Variants in STARD13 observed in about 807,000 individuals in gnomAD.
STARD13 encodes the protein StAR related lipid transfer domain containing 13.
In STARD13, 62 loss-of-function variants were observed where a neutral mutation model predicts 106.4. The ratio of observed to expected loss-of-function variants is 0.58; its 90% CI spans 0.48 to 0.72. The LOEUF (loss-of-function observed/expected upper bound fraction) is 0.72. STARD13 is among the 30% of genes least tolerant of loss of function. The probability of loss-of-function intolerance (pLI) is 0.00; values close to 1 mark genes in which losing one functional copy is unlikely to be tolerated. For missense variants in STARD13, 1,387 were observed against 1,424.0 expected, an observed-to-expected ratio of 0.97 and a Z score of 0.42; for synonymous variants, 565 against 553.0, an observed-to-expected ratio of 1.02 and a Z score of -0.31.
chr13:33,197,529 G>A (rs1375536131), intron 1 of STARD13, among the ~76,000 whole-genome samples: 3 of 151,256 alleles, frequency 2.0e-5, no homozygotes, highest in East Asian at 1.9e-4. Context: ...AAATATTTAC[G>A]CTATCTCATT....
At chr13:33,524,717 AT>A in the STARD13 span, among the ~76,000 whole-genome samples, 3 of 152,148 alleles carry the variant, frequency 2.0e-5, no homozygotes, top group South Asian at 6.2e-4. Flanking sequence ...ATAATCTTTT[AT>A]TTTTTAATTG....
chr13:33,250,176 TA>T (rs971591899), intron 1 of STARD13, among the ~76,000 whole-genome samples: 33 of 151,306 alleles, frequency 2.2e-4, no homozygotes, highest in African/African-American at 6.5e-4. Flanking sequence ...GCAACAACAA[TA>T]AAAAAAAATC....
intron 12 of STARD13, 73 bp from the exon 13 acceptor site, chr13:33,107,007 T>C (rs1593842889): frequency 1.4e-6 from 2 of 1,443,594 alleles, no homozygotes; most frequent in East Asian, 2.3e-5. Flanking sequence ...GAGCTAAGGT[T>C]TGTGTTTATA....
rs576513820 is a variant in STARD13 at position 33,186,552 on chromosome 13, G to A, written c.170-18930C>T. On this transcript the variant is annotated intron_variant, in intron 1 of 13. Coordinates refer to ENST00000336934, the MANE Select transcript of STARD13 (RefSeq NM_178006.4). ...CTAAGAGACTTCCTTCCTTTTCCTC[G>A]GTACGAAAACTATCCTCATTGTATA... Among the ~76,000 whole-genome samples the A allele has an allele frequency of 7.2e-5, 11 of 152,070 alleles. No individual in the cohort carries two copies. In the South Asian group the frequency reaches 1.7e-3, roughly 23 times the overall value.
rs1251471758 is a variant in STARD13, at chr13:33,118,067, T to C, written c.2279A>G (p.Gln760Arg). The C allele has an allele frequency of 1.2e-6, 2 of 1,614,214 alleles. No homozygotes were observed. Among genetic ancestry groups the C allele is most frequent in the South Asian group, 1.1e-5 (1 of 91,076 alleles). ...KLSETFLHIY[Q>R]YVSKEQRLQA... Reference sequence around the variant, plus strand: ...CCAATCTCATTATTTCCACTTACACTGATAGATATGGAGAAAGGTCTCACT... The same window carrying C: ...CCAATCTCATTATTTCCACTTACACCGATAGATATGGAGAAAGGTCTCACT... Residue 760 changes from glutamine (Q) to arginine (R), a missense_variant and splice_region_variant, in exon 8 of 14, where the codon CAG becomes CGG. Coordinates refer to ENST00000336934, the MANE Select transcript of STARD13 (RefSeq NM_178006.4).
At chr13:33,667,361 G>A in the STARD13 span, among the ~76,000 whole-genome samples, 1 of 152,196 alleles carries the variant, frequency 6.6e-6, no homozygotes, top group Non-Finnish European at 1.5e-5. Flanking sequence ...TGTGGGAATA[G>A]AATGTCTATA....
intron 1 of STARD13, among the ~76,000 whole-genome samples, chr13:33,177,770 A>G (rs1188198438): frequency 1.7e-3 from 19 of 11,318 alleles, no homozygotes; most frequent in East Asian, 7.2e-3. Context: ...AAGGAAGGAA[A>G]GGAAGGAAGG....
intron 1 of STARD13, among the ~76,000 whole-genome samples, chr13:33,335,986 CATTCATTA>C (rs1280482485): frequency 0.28 from 5,171 of 18,642 alleles, 296 homozygotes; most frequent in African/African-American, 0.39. Flanking sequence ...TTCATTCATT[CATTCATTA>C]ATTCATTCAC....
the STARD13 span, among the ~76,000 whole-genome samples, chr13:33,545,201 C>A: frequency 1.3e-5 from 2 of 152,076 alleles, no homozygotes; most frequent in Non-Finnish European, 2.9e-5. Flanking sequence ...CTCAGGTGAT[C>A]CACCCGCCTT....
chr13:33,337,126 T>G (rs527958760), intron 1 of STARD13, among the ~76,000 whole-genome samples: 1 of 152,208 alleles, frequency 6.6e-6, no homozygotes, highest in Non-Finnish European at 1.5e-5. Context: ...TCAGCTTTAG[T>G]GTTTTTCCCA....
intron 1 of STARD13, among the ~76,000 whole-genome samples, chr13:33,340,180 A>C (rs1476461463): frequency 6.6e-6 from 1 of 152,218 alleles, no homozygotes; most frequent in Non-Finnish European, 1.5e-5. Context: ...TTGTTCTTCT[A>C]ATAATAAATA....
At chr13:33,424,198 T>C in the STARD13 span, among the ~76,000 whole-genome samples, 410 of 152,290 alleles carry the variant, frequency 2.7e-3, 2 homozygotes, top group African/African-American at 9.0e-3. Context: ...GCCAGACTAC[T>C]TAAGTTGAAA....
chr13:33,200,836 A>G (rs1241418133), intron 1 of STARD13, among the ~76,000 whole-genome samples: 2 of 151,802 alleles, frequency 1.3e-5, no homozygotes, highest in East Asian at 3.9e-4. Context: ...CCTGGCTAAC[A>G]CGGTGAAACC....
At chr13:33,271,479 G>A (rs1186809581) in intron 1 of STARD13, 2 of 152,354 alleles carry the variant, frequency 1.3e-5, no homozygotes, top group African/African-American at 2.4e-5. Flanking sequence ...CTAGGAAGAA[G>A]GGCAGCATTT....
intron 1 of STARD13, among the ~76,000 whole-genome samples, chr13:33,255,096 GCTCCCCCCCCC>G (rs1890281627): frequency 7.8e-6 from 1 of 127,834 alleles, no homozygotes; most frequent in Non-Finnish European, 1.8e-5. Context: ...CCATCTGTGT[GCTCCCCCCCCC>G]CTCAGAGGCT....
the STARD13 span, among the ~76,000 whole-genome samples, chr13:33,363,119 C>A: frequency 1.3e-5 from 2 of 152,348 alleles, no homozygotes; most frequent in African/African-American, 2.4e-5. Flanking sequence ...GAATCTTGAA[C>A]CTTTATCTCA....
the STARD13 span, among the ~76,000 whole-genome samples, chr13:33,501,053 A>T: frequency 6.9e-6 from 1 of 145,264 alleles, no homozygotes; most frequent in Non-Finnish European, 1.5e-5. Context: ...CTGCCACATC[A>T]CATTTCTTTC....
At chr13:33,330,933 A>T (rs1227885005) in intron 1 of STARD13, among the ~76,000 whole-genome samples, 1 of 152,232 alleles carries the variant, frequency 6.6e-6, no homozygotes, top group Non-Finnish European at 1.5e-5. Flanking sequence ...GGCTCTCATG[A>T]TTATGCTATA....
chr13:33,538,338 G>A, the STARD13 span, among the ~76,000 whole-genome samples: 3 of 152,184 alleles, frequency 2.0e-5, no homozygotes, highest in Admixed American at 2.0e-4. Context: ...CAGAGAAGCT[G>A]AGAAGAGATT....
Sources: gnomAD v4.1 joint callset for allele counts (sites outside exome capture counted in the v4.1 genomes callset) on GRCh38, gnomAD v4.1.1 for gene constraint, MANE v1.5 for transcripts, NCBI Gene and HGNC (gene_info 2026-07-23, HGNC 2026-07-21) for gene names.